STAB2: variants seen among roughly 807,000 people sequenced by gnomAD.
The protein encoded by STAB2 is stabilin 2.
Under a neutral mutation model 338.1 loss-of-function variants are expected in STAB2, and 288 were observed. That is an observed-to-expected ratio of 0.85 (90% confidence interval 0.77 to 0.94). The LOEUF is 0.94. Among genes scored for constraint, STAB2 ranks in the 40% least tolerant of loss-of-function variants. STAB2 has a pLI of 0.00. For missense variants in STAB2, 3,141 were observed against 3,210.1 expected (o/e 0.98, Z 0.52); for synonymous variants, 1,202 against 1,193.3 (o/e 1.01, Z -0.15).
chr12:103,616,035 C>A (rs1464502665), intron 3 of STAB2, among the ~76,000 whole-genome samples: 1 of 152,168 alleles, frequency 6.6e-6, no homozygotes, highest in African/African-American at 2.4e-5. Flanking sequence ...TCCCCACTCC[C>A]AAGGGATTCC....
chr12:103,672,758 G>T (rs149906347), intron 22 of STAB2, among the ~76,000 whole-genome samples: 1 of 152,206 alleles, frequency 6.6e-6, no homozygotes, highest in African/African-American at 2.4e-5. Flanking sequence ...GAGGTGGCCC[G>T]TGTTACAATT....
At chr12:103,676,058 C>CTT (rs35874368) in intron 24 of STAB2, 37 bp downstream of exon 24, 108,533 of 653,958 alleles carry the variant, frequency 0.17, 6,099 homozygotes, top group East Asian at 0.23. Context: ...TGCCTGGTTT[C>CTT]TTTTTTTTTT....
chr12:103,746,580 G>C lies in STAB2; in HGVS notation c.6137-17G>C. ...CACACCATGGGTACAGAATGAAAGTGGCCCCTTTCTTTGCAGTTTTGCCTG... is the reference window on the plus strand; with the variant it reads ...CACACCATGGGTACAGAATGAAAGTCGCCCCTTTCTTTGCAGTTTTGCCTG... On this transcript the variant is annotated splice_polypyrimidine_tract_variant and intron_variant, in intron 57 of 68. Coordinates refer to ENST00000388887, the MANE Select transcript of STAB2 (RefSeq NM_017564.10). The C allele has an allele frequency of 6.2e-7, 1 of 1,612,384 alleles. No individual in the cohort carries two copies. The highest frequency in any genetic ancestry group is 8.5e-7 in the Non-Finnish European group (1 of 1,178,494).
chr12:103,625,008 G>A (rs1957359435), intron 5 of STAB2, among the ~76,000 whole-genome samples: 1 of 150,534 alleles, frequency 6.6e-6, no homozygotes, highest in African/African-American at 2.4e-5. Context: ...TTACATTAAA[G>A]GACAGCAACT....
intron 44 of STAB2, among the ~76,000 whole-genome samples, chr12:103,723,619 T>G (rs1245833397): frequency 2.0e-5 from 3 of 152,194 alleles, no homozygotes; most frequent in Non-Finnish European, 2.9e-5. Flanking sequence ...GGAGTCCAGA[T>G]AGCATGTATC....
chr12:103,619,824 C>T (rs946076598), intron 3 of STAB2, among the ~76,000 whole-genome samples: 1 of 151,860 alleles, frequency 6.6e-6, no homozygotes, highest in Non-Finnish European at 1.5e-5. Context: ...CTGTCATTCC[C>T]AGAACAGGTC....
chr12:103,619,757 C>T (rs867724072), intron 3 of STAB2, among the ~76,000 whole-genome samples: 1 of 128,652 alleles, frequency 7.8e-6, no homozygotes, highest in East Asian at 3.1e-4. Context: ...ACGCCCCCCG[C>T]CCCCGCCACC....
intron 59 of STAB2, 84 bp downstream of exon 59, chr12:103,749,240 T>C: frequency 7.2e-7 from 1 of 1,395,922 alleles, no homozygotes; most frequent in East Asian, 2.4e-5. Flanking sequence ...ATACTCTGCT[T>C]ATCTCCTGGA....
intron 31 of STAB2, among the ~76,000 whole-genome samples, chr12:103,694,135 A>G (rs148854836): frequency 1.6e-4 from 24 of 152,302 alleles, no homozygotes; most frequent in Non-Finnish European, 2.9e-4. Flanking sequence ...TGTGCCCTGC[A>G]TAAAGGTGCC....
intron 3 of STAB2, among the ~76,000 whole-genome samples, chr12:103,609,241 G>C (rs191650399): frequency 1.3e-5 from 2 of 152,216 alleles, no homozygotes; most frequent in Non-Finnish European, 2.9e-5. Flanking sequence ...TTGGTAGCTT[G>C]ATGGGGATGG....
chr12:103,611,848 T>A (rs999521782), intron 3 of STAB2, among the ~76,000 whole-genome samples: 1 of 152,256 alleles, frequency 6.6e-6, no homozygotes, highest in Non-Finnish European at 1.5e-5. Context: ...CCATGTTTAG[T>A]GCTTCCTTCA....
intron 6 of STAB2, among the ~76,000 whole-genome samples, chr12:103,634,204 A>G (rs1957508204): frequency 6.6e-6 from 1 of 152,010 alleles, no homozygotes; most frequent in Non-Finnish European, 1.5e-5. Flanking sequence ...AAGGTGTCCC[A>G]AGGTACTACA....
chr12:103,662,967 G>A lies in STAB2; in HGVS notation c.1991G>A (p.Arg664Gln), dbSNP rs776498174. 6.2e-6 allele frequency: 10 copies of A among 1,614,072 alleles called. No homozygotes were observed. Among genetic ancestry groups the A allele is most frequent in the African/African-American group, 4.0e-5 (3 of 75,018 alleles). Residue 664 changes from arginine to glutamine, a missense_variant, in exon 18 of 69, where the codon CGA becomes CAA. Arg to Gln is a conservative substitution (Grantham distance 43, BLOSUM62 1). Transcript: ENST00000388887. ...PPSIVPILPH[R>Q]CDETKREMKL... is the part of the protein sequence containing the mutation. Reference sequence around the variant, plus strand: ...TCCATTGTCCCGATTCTGCCCCATCGATGTGATGAAACAAAGAGAGAGATG... The same window carrying A: ...TCCATTGTCCCGATTCTGCCCCATCAATGTGATGAAACAAAGAGAGAGATG...
chr12:103,596,721 G>C (rs1956880516), intron 3 of STAB2, among the ~76,000 whole-genome samples: 3 of 152,092 alleles, frequency 2.0e-5, no homozygotes, highest in Non-Finnish European at 2.9e-5. Context: ...AAGGATTCAA[G>C]ATCTTTTAGC....
At chr12:103,737,980 A>G (rs1168894035) in intron 53 of STAB2, among the ~76,000 whole-genome samples, 200 bp downstream of exon 53, 3 of 152,102 alleles carry the variant, frequency 2.0e-5, no homozygotes, top group African/African-American at 4.8e-5. Flanking sequence ...AGCCTGGAAT[A>G]TTCTTGTTTA....
rs777715231 is a variant in STAB2 at position 103,712,350 on chromosome 12, GTCCT to G, written c.4335-11_4335-8del. 8.2e-5 allele frequency: 131 copies of G among 1,607,028 alleles called. No homozygotes were observed. Among genetic ancestry groups the G allele is most frequent in the Non-Finnish European group, 1.1e-4 (124 of 1,173,594 alleles). The stretch of plus-strand genomic sequence containing the variant: ...GAGTATTTTTCTACAAACCCCATTT[GTCCT>G]TCCTTGTTGCAGCTGCCTCACCAAC... On this transcript the variant is annotated splice_polypyrimidine_tract_variant and intron_variant, in intron 40 of 68. Coordinates refer to ENST00000388887, the MANE Select transcript of STAB2 (RefSeq NM_017564.10).
chr12:103,683,966 G>A (rs138020294), intron 26 of STAB2, among the ~76,000 whole-genome samples: 62 of 152,284 alleles, frequency 4.1e-4, no homozygotes, highest in African/African-American at 1.3e-3. Context: ...CCCCAGGGTA[G>A]CTCTGGGAAT....
chr12:103,706,344 A>G (rs1227908040), intron 37 of STAB2, among the ~76,000 whole-genome samples: 1 of 152,106 alleles, frequency 6.6e-6, no homozygotes, highest in African/African-American at 2.4e-5. Flanking sequence ...ACTGCAAAAG[A>G]TTGGTTTGTA....
chr12:103,699,980 C>T (rs1020863942), intron 34 of STAB2, among the ~76,000 whole-genome samples: 2 of 152,172 alleles, frequency 1.3e-5, no homozygotes, highest in Admixed American at 1.3e-4. Context: ...GGCATAAGAG[C>T]CCCATGACAT....
Sources: allele counts gnomAD v4.1 joint callset (sites outside exome capture counted in the v4.1 genomes callset), GRCh38; gene constraint gnomAD v4.1.1; transcripts MANE v1.5; gene names NCBI Gene and HGNC (gene_info 2026-07-23, HGNC 2026-07-21).